TAS2R40: variants seen among roughly 807,000 people sequenced by gnomAD.
TAS2R40 encodes taste receptor type 2 member 40.
A neutral mutation model predicts 16.5 loss-of-function variants in TAS2R40; 14 were observed. That is an observed-to-expected ratio of 0.85 (90% CI 0.56 to 1.32). The LOEUF (loss-of-function observed/expected upper bound fraction) is 1.32. Among genes scored for constraint, TAS2R40 ranks in the 40% most tolerant of loss-of-function variants. The pLI is 0.00. For synonymous variants in TAS2R40, 152 were observed against 150.2 expected (o/e 1.01, Z -0.09); for missense variants, 350 against 385.9 (o/e 0.91, Z 0.78).
Position 143,223,070 on chromosome 7 carries a change from G to A in TAS2R40, c.*20G>A. ...CTGTGACTGGAACTCACGGAGTTCT[G>A]CGGGACCTGGTCCAACCACTTCTGC... On this transcript the variant is annotated 3_prime_UTR_variant, in exon 1 of 1. Coordinates refer to ENST00000408947, the MANE Select transcript of TAS2R40 (RefSeq NM_176882.2). 2 of 1,576,566 alleles carry A rather than the reference G, an allele frequency of 1.3e-6. No homozygotes were observed. Among genetic ancestry groups the A allele is most frequent in the Non-Finnish European group, 1.7e-6 (2 of 1,161,310 alleles).
chr7:143,222,758 T>G lies in TAS2R40; in HGVS notation c.680T>G (p.Met227Arg). The G allele has an allele frequency of 1.2e-6, 2 of 1,614,082 alleles. No individual in the cohort carries two copies. Among genetic ancestry groups the G allele is most frequent in the Non-Finnish European group, 1.7e-6 (2 of 1,180,016 alleles). Residue 227 changes from methionine to arginine, a missense_variant, in exon 1 of 1, where the codon ATG becomes AGG. Transcript: ENST00000408947. ...ILSLKRHTLH[M>R]GSNATGSRDP... ...TCTCTCAAGAGACACACCCTACACATGGGAAGCAATGCCACAGGGTCCAGG... is the reference window on the plus strand; with the variant it reads ...TCTCTCAAGAGACACACCCTACACAGGGGAAGCAATGCCACAGGGTCCAGG...
At position 143,222,352 on chromosome 7, in the gene TAS2R40, T is replaced by C. The variant is rs202244699; in HGVS notation, c.274T>C (p.Ser92Pro). Residue 92 changes from serine (S) to proline (P), a missense_variant, in exon 1 of 1, where the codon TCA becomes CCA. Ser to Pro is a moderately conservative substitution (Grantham distance 74). Coordinates refer to ENST00000408947, the MANE Select transcript of TAS2R40 (RefSeq NM_176882.2). Reference protein sequence around the residue: ...LLFRIVYNQNSVYILFKVITV... With the variant: ...LLFRIVYNQNPVYILFKVITV... ...ATTCCGAATTGTTTATAACCAAAAC[T>C]CAGTGTATATCCTCTTCAAAGTCAT... is the stretch of plus-strand genomic sequence containing the variant. 1.4e-4 allele frequency: 221 copies of C among 1,614,088 alleles called. No homozygotes were observed. The highest frequency in any genetic ancestry group is 1.1e-4 in the Non-Finnish European group (132 of 1,180,046).
chr7:143,222,951 C>T lies in TAS2R40; in HGVS notation c.873C>T (p.Gly291=). ...TCATCATGGCTGCCTACCCTGCCGG[C>T]CACTCAGTACAACTGATCTTGGGCA... is the stretch of plus-strand genomic sequence containing the variant. ...CKIIMAAYPA[G]HSVQLILGNP... is the part of the protein sequence containing the mutation. The change falls in exon 1 of 1, where the codon GGC becomes GGT. Residue 291 remains glycine, a synonymous_variant. Coordinates refer to ENST00000408947, the MANE Select transcript of TAS2R40 (RefSeq NM_176882.2). The T allele has an allele frequency of 6.2e-7, 1 of 1,614,176 alleles. No individual in the cohort carries two copies. The highest frequency in any genetic ancestry group is 8.5e-7 in the Non-Finnish European group (1 of 1,180,028).
rs1282621675 is a variant in TAS2R40, at chr7:143,222,972, G to C, written c.894G>C (p.Leu298Phe). The C allele has an allele frequency of 6.2e-6, 10 of 1,614,048 alleles. No homozygotes were observed. Among genetic ancestry groups the C allele is most frequent in the Non-Finnish European group, 8.5e-6 (10 of 1,180,020 alleles). The change falls in exon 1 of 1, where the codon TTG becomes TTC. Residue 298 changes from leucine to phenylalanine, a missense_variant. Transcript: ENST00000408947. Reference sequence around the variant, plus strand: ...CCGGCCACTCAGTACAACTGATCTTGGGCAACCCTGGGCTGAGAAGAGCCT... The same window carrying C: ...CCGGCCACTCAGTACAACTGATCTTCGGCAACCCTGGGCTGAGAAGAGCCT... The part of the protein sequence containing the change: ...YPAGHSVQLI[L>F]GNPGLRRAWK...
In TAS2R40 at chr7:143,222,561, G is replaced by C. The variant is rs201465162; in HGVS notation, c.483G>C (p.Ser161=). ...CCTTAAGCTTCAGCTTTCCTCTCTC[G>C]AGAGATGTCTTCAATGTGTATGTGA... ...LVSLSFSFPL[S]RDVFNVYVNS... Residue 161 remains serine (S), a synonymous_variant, in exon 1 of 1, where the codon TCG becomes TCC. Transcript: ENST00000408947. 6.9e-5 allele frequency: 111 copies of C among 1,614,118 alleles called. No individual in the cohort carries two copies. In the African/African-American group the frequency reaches 1.4e-3, roughly 20 times the overall value.
At position 143,223,005 on chromosome 7, in the gene TAS2R40, G is replaced by A. The variant is rs76255203; in HGVS notation, c.927G>A (p.Arg309=). The part of the protein sequence containing the change: ...GNPGLRRAWK[R]FQHQVPLYLK... ...CTGGGCTGAGAAGAGCCTGGAAGCG[G>A]TTTCAGCACCAAGTTCCTCTTTACC... Residue 309 remains arginine (R), a synonymous_variant, in exon 1 of 1, where the codon CGG becomes CGA. Coordinates refer to ENST00000408947, the MANE Select transcript of TAS2R40 (RefSeq NM_176882.2). 3 of 1,613,196 alleles carry A rather than the reference G, an allele frequency of 1.9e-6. No homozygotes were observed. Among genetic ancestry groups the A allele is most frequent in the Non-Finnish European group, 2.5e-6 (3 of 1,179,610 alleles).
At position 143,222,902 on chromosome 7, in the gene TAS2R40, G is replaced by C. The variant is rs200388030; in HGVS notation, c.824G>C (p.Ser275Thr). ...ACGTCCAACATCTTTGACACTTACA[G>C]TTCCTGGAATATTTTGTGCAAGATC... ...LSTSNIFDTY[S>T]SWNILCKIIM... The change falls in exon 1 of 1, where the codon AGT (serine) becomes ACT (threonine). Residue 275 changes from serine (S) to threonine (T), a missense_variant. By Grantham distance (58) the Ser-to-Thr change is moderately conservative. Transcript: ENST00000408947. 122 of 1,614,036 alleles carry C rather than the reference G, an allele frequency of 7.6e-5. No individual in the cohort carries two copies. The highest frequency in any genetic ancestry group is 1.0e-4 in the Non-Finnish European group (121 of 1,180,028).
rs1235255856 is a variant in TAS2R40 at position 143,222,971 on chromosome 7, T to C, written c.893T>C (p.Leu298Ser). 2 of 1,614,176 alleles carry C rather than the reference T, an allele frequency of 1.2e-6. No homozygotes were observed. The highest frequency in any genetic ancestry group is 1.1e-5 in the South Asian group (1 of 91,082). The change falls in exon 1 of 1, where the codon TTG becomes TCG. Residue 298 changes from leucine to serine, a missense_variant. By Grantham distance (145) the Leu-to-Ser change is moderately radical. Transcript: ENST00000408947. ...YPAGHSVQLILGNPGLRRAWK... is the reference protein window; with the variant it reads ...YPAGHSVQLISGNPGLRRAWK... ...GCCGGCCACTCAGTACAACTGATCT[T>C]GGGCAACCCTGGGCTGAGAAGAGCC...
Position 143,222,573 on chromosome 7 carries a change from C to T in TAS2R40, c.495C>T (p.Phe165=). ...SFSFPLSRDV[F]NVYVNSSIPI... ...GCTTTCCTCTCTCGAGAGATGTCTT[C>T]AATGTGTATGTGAATAGCTCCATTC... Residue 165 remains phenylalanine, a synonymous_variant, in exon 1 of 1, where the codon TTC becomes TTT. Coordinates refer to ENST00000408947, the MANE Select transcript of TAS2R40 (RefSeq NM_176882.2). 3.7e-6 allele frequency: 6 copies of T among 1,614,210 alleles called. No homozygotes were observed. The highest frequency in any genetic ancestry group is 5.1e-6 in the Non-Finnish European group (6 of 1,180,044).
In TAS2R40 at chr7:143,222,699, C is replaced by T. The variant is rs1469639179; in HGVS notation, c.621C>T (p.Ile207=). The stretch of plus-strand genomic sequence containing the variant: ...ACATGGGGATCTTCGTTCCTCTGAT[C>T]ATGTTCATCCTGGCAGCCACCCTGC... The part of the protein sequence containing the change: ...FYNMGIFVPL[I]MFILAATLLI... The change falls in exon 1 of 1, where the codon ATC becomes ATT. Residue 207 remains isoleucine (I), a synonymous_variant. Transcript: ENST00000408947. 2 of 1,614,038 alleles carry T rather than the reference C, an allele frequency of 1.2e-6. No homozygotes were observed. The highest frequency in any genetic ancestry group is 3.3e-5 in the Admixed American group (2 of 59,996).
Position 143,222,840 on chromosome 7 carries a change from C to T in TAS2R40, c.762C>T (p.Ile254=), listed in dbSNP as rs1164464299. 6.2e-7 allele frequency: 1 copy of T among 1,614,080 alleles called. No individual in the cohort carries two copies. The highest frequency in any genetic ancestry group is 1.1e-5 in the South Asian group (1 of 91,090). ...TCAAAGCCACCAGCTACTTTCTCAT[C>T]CTCTACATTTTCAATGCAATTGCTC... ...GAIKATSYFL[I]LYIFNAIALF... Residue 254 remains isoleucine (I), a synonymous_variant, in exon 1 of 1, where the codon ATC becomes ATT. Transcript: ENST00000408947.
In TAS2R40 at chr7:143,222,140, C is replaced by CTTTGG; in HGVS notation, c.64_68dup (p.Val24TrpfsTer6). ...ATATCCAAGTTCAAGGTCACCTTCACTTTGGTGGTCTCCGGAATAGAGTGC... is the reference window on the plus strand; with the variant it reads ...ATATCCAAGTTCAAGGTCACCTTCACTTTGGTTTGGTGGTCTCCGGAATAGAGTGC... On this transcript the variant is annotated frameshift_variant, in exon 1 of 1. Transcript: ENST00000408947. LOFTEE classifies it high-confidence loss of function. 1.2e-6 allele frequency: 2 copies of CTTTGG among 1,614,146 alleles called. No homozygotes were observed. The highest frequency in any genetic ancestry group is 1.7e-6 in the Non-Finnish European group (2 of 1,180,014).
At position 143,222,878 on chromosome 7, in the gene TAS2R40, C is replaced by G. The variant is rs780417600; in HGVS notation, c.800C>G (p.Thr267Arg). Residue 267 changes from threonine to arginine, a missense_variant, in exon 1 of 1, where the codon ACG becomes AGG. Coordinates refer to ENST00000408947, the MANE Select transcript of TAS2R40 (RefSeq NM_176882.2). ...IFNAIALFLS[T>R]SNIFDTYSSW... Reference sequence around the variant, plus strand: ...AATGCAATTGCTCTATTTCTTTCCACGTCCAACATCTTTGACACTTACAGT... The same window carrying G: ...AATGCAATTGCTCTATTTCTTTCCAGGTCCAACATCTTTGACACTTACAGT... 1.5e-5 allele frequency: 24 copies of G among 1,614,114 alleles called. No homozygotes were observed. The highest frequency in any genetic ancestry group is 4.5e-5 in the East Asian group (2 of 44,898).
rs1800252284 is a variant in TAS2R40, at chr7:143,222,761, G to C, written c.683G>C (p.Gly228Ala). Residue 228 changes from glycine (G) to alanine (A), a missense_variant, in exon 1 of 1, where the codon GGA becomes GCA. Gly to Ala is a moderately conservative substitution (Grantham distance 60). Coordinates refer to ENST00000408947, the MANE Select transcript of TAS2R40 (RefSeq NM_176882.2). ...LSLKRHTLHM[G>A]SNATGSRDPS... ...CTCAAGAGACACACCCTACACATGG[G>C]AAGCAATGCCACAGGGTCCAGGGAC... 6.2e-7 allele frequency: 1 copy of C among 1,613,994 alleles called. No homozygotes were observed. Among genetic ancestry groups the C allele is most frequent in the African/African-American group, 1.3e-5 (1 of 74,900 alleles).
At position 143,222,304 on chromosome 7, in the gene TAS2R40, C is replaced by T. The variant is rs764805966; in HGVS notation, c.226C>T (p.Leu76=). 5 of 1,614,064 alleles carry T rather than the reference C, an allele frequency of 3.1e-6. No individual in the cohort carries two copies. The highest frequency in any genetic ancestry group is 4.2e-6 in the Non-Finnish European group (5 of 1,180,042). ...GCTCTTGCTACAGATTTGGATGATGCTGGAGAACATTTTCAGTCTGCTATT... is the reference window on the plus strand; with the variant it reads ...GCTCTTGCTACAGATTTGGATGATGTTGGAGAACATTTTCAGTCTGCTATT... ...SRLLLQIWMM[L]ENIFSLLFRI... Residue 76 remains leucine, a synonymous_variant, in exon 1 of 1, where the codon CTG becomes TTG. Coordinates refer to ENST00000408947, the MANE Select transcript of TAS2R40 (RefSeq NM_176882.2).
At position 143,222,463 on chromosome 7, in the gene TAS2R40, C is replaced by A; in HGVS notation, c.385C>A (p.Pro129Thr). 1.2e-6 allele frequency: 2 copies of A among 1,614,194 alleles called. No individual in the cohort carries two copies. The highest frequency in any genetic ancestry group is 1.7e-6 in the Non-Finnish European group (2 of 1,180,030). ...YCLRIANFNH[P>T]LFFLMKRKII... ...TCTTAGAATTGCAAACTTCAATCAT[C>A]CTTTGTTCTTCCTGATGAAGAGGAA... is the stretch of plus-strand genomic sequence containing the variant. Residue 129 changes from proline (P) to threonine (T), a missense_variant, in exon 1 of 1, where the codon CCT becomes ACT. By Grantham distance (38) the Pro-to-Thr change is conservative (BLOSUM62 -1). Coordinates refer to ENST00000408947, the MANE Select transcript of TAS2R40 (RefSeq NM_176882.2).
Position 143,222,235 on chromosome 7 carries a change from C to A in TAS2R40, c.157C>A (p.Leu53Ile). Residue 53 changes from leucine (L) to isoleucine (I), a missense_variant, in exon 1 of 1, where the codon CTC becomes ATC. Transcript: ENST00000408947. ...YGAEWARGKT[L>I]PTGDRIMLML... The stretch of plus-strand genomic sequence containing the variant: ...GGCTGAGTGGGCCAGGGGCAAAACA[C>A]TCCCCACTGGTGACCGCATTATGTT... 1 of 1,614,188 alleles carries A rather than the reference C, an allele frequency of 6.2e-7. No individual in the cohort carries two copies. Among genetic ancestry groups the A allele is most frequent in the African/African-American group, 1.3e-5 (1 of 75,054 alleles).
chr7:143,223,076 C>A lies in TAS2R40; in HGVS notation c.*26C>A. ...CTGGAACTCACGGAGTTCTGCGGGACCTGGTCCAACCACTTCTGCCTTTGC... is the reference window on the plus strand; with the variant it reads ...CTGGAACTCACGGAGTTCTGCGGGAACTGGTCCAACCACTTCTGCCTTTGC... On this transcript the variant is annotated 3_prime_UTR_variant, in exon 1 of 1. Transcript: ENST00000408947. 6.4e-7 allele frequency: 1 copy of A among 1,565,172 alleles called. No individual in the cohort carries two copies. Among genetic ancestry groups the A allele is most frequent in the Non-Finnish European group, 8.6e-7 (1 of 1,156,544 alleles).
chr7:143,222,232 A>T lies in TAS2R40; in HGVS notation c.154A>T (p.Thr52Ser), dbSNP rs757509404. 6.2e-7 allele frequency: 1 copy of T among 1,614,132 alleles called. No individual in the cohort carries two copies. The highest frequency in any genetic ancestry group is 1.1e-5 in the South Asian group (1 of 91,074). ...TGGGGCTGAGTGGGCCAGGGGCAAA[A>T]CACTCCCCACTGGTGACCGCATTAT... ...IYGAEWARGKTLPTGDRIMLM... is the reference protein window; with the variant it reads ...IYGAEWARGKSLPTGDRIMLM... Residue 52 changes from threonine (T) to serine (S), a missense_variant, in exon 1 of 1, where the codon ACA (threonine) becomes TCA (serine). Physicochemically the swap from Thr to Ser is moderately conservative, Grantham distance 58. Coordinates refer to ENST00000408947, the MANE Select transcript of TAS2R40 (RefSeq NM_176882.2).
Sources: gnomAD v4.1 joint callset for allele counts on GRCh38, gnomAD v4.1.1 for gene constraint, MANE v1.5 for transcripts, NCBI Gene and HGNC (gene_info 2026-07-23, HGNC 2026-07-21) for gene names.